The following TUSC3 variants were observed in gnomAD, a reference collection of about 807,000 sequenced individuals.
TUSC3 encodes the protein dolichyl-diphosphooligosaccharide--protein glycosyltransferase subunit TUSC3.
TUSC3 carries 45 observed loss-of-function variants against 44.8 expected under a neutral mutation model. The observed-to-expected ratio is 1.00, with a 90% CI of 0.79 to 1.29. The LOEUF is 1.29. TUSC3 is among the 50% of genes most tolerant of loss of function. The pLI is 0.00. For missense variants in TUSC3, 519 were observed against 437.9 expected (o/e 1.19, Z -1.65); for synonymous variants, 212 against 152.9 (o/e 1.39, Z -2.85).
chr8:15,672,406 C>G (rs1013464888), intron 5 of TUSC3, among the ~76,000 whole-genome samples: 2 of 151,910 alleles, frequency 1.3e-5, no homozygotes, highest in African/African-American at 2.4e-5. Context: ...CATGGATTAA[C>G]CTACTTAAAA....
At chr8:15,804,064 C>A in the TUSC3 span, among the ~76,000 whole-genome samples, 44 of 152,242 alleles carry the variant, frequency 2.9e-4, no homozygotes, top group African/African-American at 1.0e-3. Context: ...GGTATATATT[C>A]AGTAACGGGA....
At chr8:15,430,721 TAGAAAACCCCATTGTCTC>T (rs748402724) in intron 1 of TUSC3, among the ~76,000 whole-genome samples, 2 of 151,656 alleles carry the variant, frequency 1.3e-5, no homozygotes, top group Non-Finnish European at 2.9e-5. Context: ...CTTGTATATC[TAGAAAACCCCATTGTCTC>T]AGCCCAAAAT....
At chr8:15,605,734 A>C (rs890741481) in intron 1 of TUSC3, among the ~76,000 whole-genome samples, 5 of 152,006 alleles carry the variant, frequency 3.3e-5, no homozygotes, top group African/African-American at 1.2e-4. Flanking sequence ...ACTTGTTAAA[A>C]CTTAGACACA....
At chr8:15,503,377 A>C (rs929797197) in intron 2 of TUSC3, among the ~76,000 whole-genome samples, 1 of 152,170 alleles carries the variant, frequency 6.6e-6, no homozygotes, top group Non-Finnish European at 1.5e-5. Context: ...CGTCTGTGGC[A>C]CTGTGCTATG....
At chr8:15,711,815 C>T (rs1358361491) in intron 6 of TUSC3, among the ~76,000 whole-genome samples, 2 of 151,678 alleles carry the variant, frequency 1.3e-5, no homozygotes, top group African/African-American at 4.8e-5. Context: ...TTTTAATTGA[C>T]AATTAGAATT....
At chr8:15,541,737 A>G (rs1366869694) in intron 1 of TUSC3, among the ~76,000 whole-genome samples, 1 of 152,082 alleles carries the variant, frequency 6.6e-6, no homozygotes, top group East Asian at 1.9e-4. Flanking sequence ...ATTTACAAAT[A>G]TAAATTAATG....
At chr8:15,708,851 T>C (rs1258927094) in intron 6 of TUSC3, among the ~76,000 whole-genome samples, 4 of 151,934 alleles carry the variant, frequency 2.6e-5, no homozygotes, top group Non-Finnish European at 5.9e-5. Context: ...TTGATGATTC[T>C]GACTGATAAA....
the TUSC3 span, among the ~76,000 whole-genome samples, chr8:15,809,175 C>G: frequency 6.6e-6 from 1 of 152,204 alleles, no homozygotes; most frequent in South Asian, 2.1e-4. Flanking sequence ...ATGGAGGGCT[C>G]AGGGCAAGAG....
chr8:15,670,373 A>G (rs1413302103), intron 5 of TUSC3, among the ~76,000 whole-genome samples: 1 of 151,886 alleles, frequency 6.6e-6, no homozygotes, highest in African/African-American at 2.4e-5. Flanking sequence ...AACAGAATCT[A>G]TAGTCCAGAA....
chr8:15,847,869 T>A, the TUSC3 span, among the ~76,000 whole-genome samples: 3 of 152,126 alleles, frequency 2.0e-5, no homozygotes, highest in Admixed American at 2.0e-4. Context: ...CGAATAAGCC[T>A]TAATTTTTTT....
the TUSC3 span, among the ~76,000 whole-genome samples, chr8:15,773,516 T>A: frequency 6.6e-6 from 1 of 152,180 alleles, no homozygotes; most frequent in East Asian, 1.9e-4. Context: ...AAGATGGAAA[T>A]ACTTCTCAAA....
intron 2 of TUSC3, among the ~76,000 whole-genome samples, chr8:15,532,328 G>T (rs10104778): frequency 0.97 from 148,148 of 152,254 alleles, 72,191 homozygotes; most frequent in East Asian, 1. Context: ...AAAGAAAAAT[G>T]GTGTGTTTCA....
At chr8:15,602,580 G>A (rs1221553818) in intron 1 of TUSC3, among the ~76,000 whole-genome samples, 1 of 151,412 alleles carries the variant, frequency 6.6e-6, no homozygotes, top group Non-Finnish European at 1.5e-5. Flanking sequence ...ACCTGTCTTT[G>A]TGATACTGTG....
At chr8:15,659,671 T>A in intron 4 of TUSC3, 24 bp downstream of exon 4, 1 of 1,610,498 alleles carries the variant, frequency 6.2e-7, no homozygotes, top group Non-Finnish European at 8.5e-7. Flanking sequence ...CCTCACAGTT[T>A]TAATAATAGG....
rs142363132 is a variant in TUSC3, at chr8:15,540,654, G to C, written c.138+86G>C. 9.7e-4 allele frequency: 1,383 copies of C among 1,431,078 alleles called. 3 individuals are homozygous for C. The African/African-American group carries it at 0.014, about 14-fold the overall frequency. The allele number at this position is 1,431,078 out of a possible 1,614,324, so 88.6% of individuals were successfully genotyped here. On this transcript the variant is annotated intron_variant, in intron 1 of 10. Coordinates refer to ENST00000503731, the MANE Select transcript of TUSC3 (RefSeq NM_006765.4). ...GCCAGGCAGCCCTGCCGTGTTGCTA[G>C]GCAGCCTGGTCGCCGGCGTGGGCGA...
At chr8:15,636,383 G>A (rs1806076524) in intron 2 of TUSC3, among the ~76,000 whole-genome samples, 1 of 152,108 alleles carries the variant, frequency 6.6e-6, no homozygotes, top group South Asian at 2.1e-4. Context: ...AGGGTCAGCT[G>A]CACTCTTAAA....
intron 2 of TUSC3, among the ~76,000 whole-genome samples, chr8:15,629,548 A>G (rs1448175418): frequency 1.5e-5 from 2 of 135,494 alleles, no homozygotes; most frequent in East Asian, 2.2e-4. Flanking sequence ...ATTTGCGGCC[A>G]TCTTGTTTTT....
intron 2 of TUSC3, among the ~76,000 whole-genome samples, chr8:15,497,755 C>A (rs1267060019): frequency 7.0e-6 from 1 of 143,580 alleles, no homozygotes; most frequent in African/African-American, 2.6e-5. Flanking sequence ...TTTTCTTTTT[C>A]TTTTTTTGAG....
intron 1 of TUSC3, among the ~76,000 whole-genome samples, chr8:15,610,839 G>A (rs1209699250): frequency 6.6e-6 from 1 of 152,030 alleles, no homozygotes; most frequent in African/African-American, 2.4e-5. Context: ...TGCTCTCCGG[G>A]GTACAAAGAT....
Sources: gnomAD v4.1 joint callset for allele counts (sites outside exome capture counted in the v4.1 genomes callset) on GRCh38, gnomAD v4.1.1 for gene constraint, MANE v1.5 for transcripts, NCBI Gene and HGNC (gene_info 2026-07-23, HGNC 2026-07-21) for gene names.